Variants in SLC13A1 observed in about 807,000 individuals in gnomAD.
SLC13A1 encodes solute carrier family 13 member 1.
In SLC13A1, 65 loss-of-function variants were observed where a neutral mutation model predicts 70.0. The observed-to-expected ratio is 0.93, with a 90% confidence interval of 0.76 to 1.14. The LOEUF (loss-of-function observed/expected upper bound fraction) is 1.14, where lower values mean the gene tolerates loss of function less well. Among genes scored for constraint, SLC13A1 ranks in the 50% most tolerant of loss-of-function variants. The probability of loss-of-function intolerance (pLI) is 0.00; values close to 1 mark genes in which losing one functional copy is unlikely to be tolerated. For synonymous variants in SLC13A1, 275 were observed against 250.5 expected (o/e 1.10, Z -0.92); for missense variants, 726 against 717.8 (o/e 1.01, Z -0.13).
chr7:123,130,954 CT>C (rs1255942969), intron 8 of SLC13A1, among the ~76,000 whole-genome samples: 1 of 151,966 alleles, frequency 6.6e-6, no homozygotes, highest in Non-Finnish European at 1.5e-5. Context: ...TAGATGGAGA[CT>C]TTTAAAAAAA....
chr7:123,185,597 T>C (rs1464752637), intron 1 of SLC13A1, among the ~76,000 whole-genome samples: 1 of 152,116 alleles, frequency 6.6e-6, no homozygotes, highest in Non-Finnish European at 1.5e-5. Flanking sequence ...GCTGTAAATG[T>C]AGAGAATTAT....
At position 123,167,734 on chromosome 7, in the gene SLC13A1, G is replaced by A. The variant is rs189620298; in HGVS notation, c.660+640C>T. Among the ~76,000 whole-genome samples, 9 of 152,030 alleles carry A rather than the reference G, an allele frequency of 5.9e-5. No homozygotes were observed. The South Asian group carries it at 1.9e-3, about 32-fold the overall frequency. On this transcript the variant is annotated intron_variant, in intron 6 of 14. Coordinates refer to ENST00000194130, the MANE Select transcript of SLC13A1 (RefSeq NM_022444.4). ...TAGAATGGCTACAACTCCTCCACCT[G>A]TATTTGACAGAAGCAACTCATGAAT... is the stretch of plus-strand genomic sequence containing the variant.
chr7:123,176,616 T>C (rs975673591), intron 2 of SLC13A1, among the ~76,000 whole-genome samples: 2 of 152,172 alleles, frequency 1.3e-5, no homozygotes, highest in African/African-American at 4.8e-5. Flanking sequence ...TTAAATGAGA[T>C]AATATTTTTT....
intron 2 of SLC13A1, among the ~76,000 whole-genome samples, chr7:123,180,499 T>A (rs2116612754): frequency 6.6e-6 from 1 of 152,234 alleles, no homozygotes; most frequent in Non-Finnish European, 1.5e-5. Context: ...TTAGCATGAA[T>A]AAACTCCTCT....
intron 7 of SLC13A1, among the ~76,000 whole-genome samples, chr7:123,142,910 C>A (rs1794208764): frequency 6.6e-6 from 1 of 152,054 alleles, no homozygotes; most frequent in African/African-American, 2.4e-5. Flanking sequence ...AGCCACCGCA[C>A]CCGGCTGACG....
At chr7:123,148,175 T>C (rs776188012) in intron 6 of SLC13A1, among the ~76,000 whole-genome samples, 2 of 152,142 alleles carry the variant, frequency 1.3e-5, no homozygotes, top group Non-Finnish European at 2.9e-5. Context: ...TCTCTTTCTC[T>C]CCCCATTCCT....
intron 6 of SLC13A1, among the ~76,000 whole-genome samples, chr7:123,154,204 T>C (rs1044735956): frequency 5.3e-5 from 8 of 152,170 alleles, no homozygotes; most frequent in African/African-American, 1.9e-4. Flanking sequence ...ACTTTACTTC[T>C]ATGAATTTTT....
At chr7:123,186,671 G>T (rs1389592027) in intron 1 of SLC13A1, 1 of 451,970 alleles carries the variant, frequency 2.2e-6, no homozygotes, top group African/African-American at 2.0e-5. Context: ...GAGTATGAGT[G>T]AATCCTTCCT....
At chr7:123,199,371 A>C (rs1000905258) in intron 1 of SLC13A1, among the ~76,000 whole-genome samples, 17 of 152,090 alleles carry the variant, frequency 1.1e-4, no homozygotes, top group Non-Finnish European at 2.1e-4. Flanking sequence ...CCTACAAGGG[A>C]ACTAAATTTC....
intron 6 of SLC13A1, among the ~76,000 whole-genome samples, chr7:123,156,842 T>C (rs1479089064): frequency 6.6e-6 from 1 of 152,094 alleles, no homozygotes. Flanking sequence ...AACCTATCCC[T>C]TCAGATGAAT....
intron 14 of SLC13A1, among the ~76,000 whole-genome samples, chr7:123,115,914 G>C (rs1038990616): frequency 6.6e-6 from 1 of 152,084 alleles, no homozygotes; most frequent in Non-Finnish European, 1.5e-5. Context: ...TTCTCCATTC[G>C]TAGCAAGAGA....
At chr7:123,139,515 C>T (rs1794061209) in intron 7 of SLC13A1, among the ~76,000 whole-genome samples, 1 of 151,842 alleles carries the variant, frequency 6.6e-6, no homozygotes, top group Non-Finnish European at 1.5e-5. Context: ...GTAGTATGAA[C>T]CTTTTAATAA....
At chr7:123,190,717 G>A in intron 1 of SLC13A1, 2 of 436,826 alleles carry the variant, frequency 4.6e-6, no homozygotes, top group Non-Finnish European at 9.2e-6. Context: ...GAGTGTCTAA[G>A]ACTCATCTTT....
At position 123,128,903 on chromosome 7, in the gene SLC13A1, G is replaced by A; in HGVS notation, c.1075C>T (p.Leu359=). 6.2e-7 allele frequency: 1 copy of A among 1,613,578 alleles called. No individual in the cohort carries two copies. The highest frequency in any genetic ancestry group is 1.1e-5 in the South Asian group (1 of 91,052). Residue 359 remains leucine, a synonymous_variant, in exon 10 of 15, where the codon CTG becomes TTG. Transcript: ENST00000194130. ...CCGGGGTCTCGACTAAACCATAGCA[G>A]AGCCATTATAATGAAGAGGACCAAG... ...VTLVLFIIMA[L]LWFSRDPGFV...
At chr7:123,154,137 C>T (rs936034437) in intron 6 of SLC13A1, among the ~76,000 whole-genome samples, 6 of 152,040 alleles carry the variant, frequency 3.9e-5, no homozygotes, top group African/African-American at 1.4e-4. Context: ...AAGCAGAATC[C>T]ATGTCTGTGA....
At position 123,122,464 on chromosome 7, in the gene SLC13A1, T is replaced by C. The variant is rs190590957; in HGVS notation, c.1350+662A>G. ...GAGAAGATAATTTTCTTCCAACAAC[T>C]CTACAAAGACCAGGGCAATTGCAAG... On this transcript the variant is annotated intron_variant, in intron 12 of 14. Transcript: ENST00000194130. Among the ~76,000 whole-genome samples the C allele has an allele frequency of 4.9e-4, 75 of 152,232 alleles. 1 individual carries two copies. The highest frequency in any genetic ancestry group is 2.2e-3 in the Admixed American group (33 of 15,262).
intron 1 of SLC13A1, among the ~76,000 whole-genome samples, chr7:123,192,970 C>G (rs1796049355): frequency 6.6e-6 from 1 of 151,892 alleles, no homozygotes; most frequent in Admixed American, 6.6e-5. Context: ...TGATGGCCCA[C>G]TAAACCAGTT....
intron 6 of SLC13A1, among the ~76,000 whole-genome samples, chr7:123,160,538 A>C (rs975508004): frequency 6.6e-6 from 1 of 152,160 alleles, no homozygotes; most frequent in African/African-American, 2.4e-5. Flanking sequence ...CTGAATAAAA[A>C]GAGACAAAAC....
In SLC13A1 at chr7:123,134,366, C is replaced by G. The variant is rs758511153; in HGVS notation, c.932+44G>C. The G allele has an allele frequency of 2.5e-6, 4 of 1,586,600 alleles. No individual in the cohort carries two copies. In the South Asian group the frequency reaches 3.4e-5, roughly 14 times the overall value. ...GGATAAGAAGCTAAGAACTGGGAAC[C>G]TAGACACCTTTATTTAGCCTATTAA... On this transcript the variant is annotated intron_variant, in intron 8 of 14. Coordinates refer to ENST00000194130, the MANE Select transcript of SLC13A1 (RefSeq NM_022444.4).
Sources: gnomAD v4.1 joint callset for allele counts (sites outside exome capture counted in the v4.1 genomes callset) on GRCh38, gnomAD v4.1.1 for gene constraint, MANE v1.5 for transcripts, NCBI Gene and HGNC (gene_info 2026-07-23, HGNC 2026-07-21) for gene names.